Variants in LONRF1 observed in about 807,000 individuals in gnomAD.
The protein encoded by LONRF1 is LON peptidase N-terminal domain and RING finger protein 1.
A neutral mutation model predicts 85.8 loss-of-function variants in LONRF1; 37 were observed. That is an observed-to-expected ratio of 0.43 (90% CI 0.33 to 0.57). The LOEUF is 0.57. Among genes scored for constraint, LONRF1 ranks in the 20% least tolerant of loss-of-function variants. The pLI is 0.04. For synonymous variants in LONRF1, 517 were observed against 390.1 expected, an observed-to-expected ratio of 1.33 and a Z score of -3.83; for missense variants, 1,036 against 978.0, an observed-to-expected ratio of 1.06 and a Z score of -0.79.
At chr8:12,729,806 T>G (rs1405077165) in intron 8 of LONRF1, among the ~76,000 whole-genome samples, 1 of 152,170 alleles carries the variant, frequency 6.6e-6, no homozygotes, top group Non-Finnish European at 1.5e-5. Flanking sequence ...AACGCAAGGA[T>G]AAGAAAACAT....
At chr8:12,743,340 C>T in intron 1 of LONRF1, 58 bp from the exon 2 acceptor site, 3 of 1,028,638 alleles carry the variant, frequency 2.9e-6, no homozygotes, top group East Asian at 2.6e-5. Flanking sequence ...ACATAATCTA[C>T]AAAATATGAT....
chr8:12,743,333 T>C, intron 1 of LONRF1, 51 bp from the exon 2 acceptor site: 3 of 1,098,578 alleles, frequency 2.7e-6, no homozygotes, highest in Middle Eastern at 2.7e-4. Flanking sequence ...GATTATTACA[T>C]AATCTACAAA....
intron 1 of LONRF1, among the ~76,000 whole-genome samples, chr8:12,745,089 A>G (rs1799092677): frequency 6.6e-6 from 1 of 151,606 alleles, no homozygotes; most frequent in South Asian, 2.1e-4. Context: ...CACTCTGACC[A>G]AAGCAAAAAA....
At chr8:12,742,671 A>G (rs1166371049) in intron 2 of LONRF1, among the ~76,000 whole-genome samples, 2 of 151,752 alleles carry the variant, frequency 1.3e-5, no homozygotes, top group Non-Finnish European at 2.9e-5. Context: ...TTTGTTCCTT[A>G]TTTATGAAAG....
intron 1 of LONRF1, among the ~76,000 whole-genome samples, chr8:12,746,234 C>A (rs1799148289): frequency 6.6e-6 from 1 of 152,094 alleles, no homozygotes; most frequent in Non-Finnish European, 1.5e-5. Flanking sequence ...ATATCCTTAC[C>A]ATTCACAAGG....
intron 3 of LONRF1, among the ~76,000 whole-genome samples, chr8:12,739,226 C>A (rs776789624): frequency 6.7e-6 from 1 of 149,906 alleles, no homozygotes; most frequent in Non-Finnish European, 1.5e-5. Context: ...ATACTGGAAA[C>A]AATCCAAATG....
chr8:12,753,878 A>G (rs886903796), intron 1 of LONRF1: 1 of 152,030 alleles, frequency 6.6e-6, no homozygotes, highest in Non-Finnish European at 1.5e-5. Context: ...AGCGTGGCAG[A>G]GAACTATGGA....
intron 1 of LONRF1, among the ~76,000 whole-genome samples, chr8:12,752,186 T>C (rs1236787490): frequency 6.6e-6 from 1 of 152,136 alleles, no homozygotes; most frequent in Non-Finnish European, 1.5e-5. Flanking sequence ...TCAACAATAA[T>C]GACAAGATCA....
intron 2 of LONRF1, among the ~76,000 whole-genome samples, chr8:12,742,582 T>A (rs1006142975): frequency 6.6e-6 from 1 of 152,216 alleles, no homozygotes; most frequent in African/African-American, 2.4e-5. Flanking sequence ...TTTGTATCCA[T>A]CTTCACAATA....
chr8:12,750,022 A>C (rs1799315628), intron 1 of LONRF1, among the ~76,000 whole-genome samples: 1 of 152,238 alleles, frequency 6.6e-6, no homozygotes, highest in African/African-American at 2.4e-5. Context: ...TTTGCGTGCT[A>C]ATTTTTAAAT....
chr8:12,725,278 A>G (rs1351531068), intron 11 of LONRF1, among the ~76,000 whole-genome samples: 2 of 152,224 alleles, frequency 1.3e-5, no homozygotes, highest in Non-Finnish European at 2.9e-5. Flanking sequence ...GTTGGGTCAA[A>G]TGTTGGGAGA....
At chr8:12,737,170 G>A (rs745692437) in intron 4 of LONRF1, 30 bp from the exon 5 acceptor site, 7 of 1,603,728 alleles carry the variant, frequency 4.4e-6, no homozygotes, top group South Asian at 1.1e-5. Context: ...AAAGGTAACT[G>A]TATTTCTTTA....
intron 1 of LONRF1, among the ~76,000 whole-genome samples, chr8:12,747,748 ATC>A (rs71205086): frequency 2.8e-4 from 14 of 50,604 alleles, no homozygotes; most frequent in South Asian, 6.2e-4. Context: ...GTTGACTGAA[ATC>A]TCTCTCTTTT....
At chr8:12,733,101 T>C (rs1178140219) in intron 7 of LONRF1, among the ~76,000 whole-genome samples, 1 of 152,140 alleles carries the variant, frequency 6.6e-6, no homozygotes, top group East Asian at 1.9e-4. Flanking sequence ...CAAGAATCTA[T>C]GTTTCTAACA....
intron 7 of LONRF1, among the ~76,000 whole-genome samples, chr8:12,732,691 T>C (rs1330639666): frequency 1.3e-5 from 2 of 152,212 alleles, no homozygotes; most frequent in Non-Finnish European, 2.9e-5. Context: ...CAAGAACCCA[T>C]ATTTTACTGT....
chr8:12,729,498 C>A (rs1217368637), intron 8 of LONRF1, 166 bp from the exon 9 acceptor site: 2 of 618,488 alleles, frequency 3.2e-6, no homozygotes, highest in African/African-American at 1.9e-5. Context: ...AGAATCAGCA[C>A]CCCGTTCACT....
Position 12,743,220 on chromosome 8 carries a change from T to G in LONRF1, c.784A>C (p.Lys262Gln). 1.2e-6 allele frequency: 2 copies of G among 1,613,478 alleles called. No individual in the cohort carries two copies. Among genetic ancestry groups the G allele is most frequent in the South Asian group, 2.2e-5 (2 of 91,056 alleles). Residue 262 changes from lysine to glutamine, a missense_variant, in exon 2 of 12, where the codon AAA (lysine) becomes CAA (glutamine). This residue lies in a region of LONRF1 where 742 missense variants were observed against 614.4 expected (regional missense o/e 1.21). Transcript: ENST00000398246. ...AESYAGLQEFKAAIEDLNAVL... is the reference protein window; with the variant it reads ...AESYAGLQEFQAAIEDLNAVL... Reference sequence around the variant, plus strand: ...GCATTTAAATCTTCTATGGCTGCTTTAAACTCTTGGAGACCAGCATATGAT... The same window carrying G: ...GCATTTAAATCTTCTATGGCTGCTTGAAACTCTTGGAGACCAGCATATGAT...
rs115056492 is a variant in LONRF1, at chr8:12,734,508, G to C, written c.1566+778C>G. Among the ~76,000 whole-genome samples the C allele has an allele frequency of 4.7e-3, 717 of 152,226 alleles. 4 individuals carry two copies. The highest frequency in any genetic ancestry group is 0.017 in the African/African-American group (694 of 41,542). ...TTGCCTCTCAGAATCACAGGCTTTAGCCTGACAGTAGGTGATCTGCAGTCA... is the reference window on the plus strand; with the variant it reads ...TTGCCTCTCAGAATCACAGGCTTTACCCTGACAGTAGGTGATCTGCAGTCA... On this transcript the variant is annotated intron_variant, in intron 7 of 11. Transcript: ENST00000398246.
intron 3 of LONRF1, among the ~76,000 whole-genome samples, chr8:12,739,591 G>A (rs752056264): frequency 5.5e-4 from 83 of 152,100 alleles, no homozygotes; most frequent in Non-Finnish European, 9.7e-4. Context: ...ACTCACTGAC[G>A]TGTAAAATCC....
Sources: allele counts gnomAD v4.1 joint callset (sites outside exome capture counted in the v4.1 genomes callset), GRCh38; gene constraint gnomAD v4.1.1; regional missense constraint gnomAD v4.1.1; transcripts MANE v1.5; gene names NCBI Gene and HGNC (gene_info 2026-07-23, HGNC 2026-07-21).